Variants in THBS1 observed in about 807,000 individuals in gnomAD.
The protein encoded by THBS1 is thrombospondin-1.
In THBS1, 29 loss-of-function variants were observed where a neutral mutation model predicts 126.1. The observed-to-expected ratio is 0.23, with a 90% CI of 0.17 to 0.31. The LOEUF (loss-of-function observed/expected upper bound fraction) is 0.31, where lower values mean the gene tolerates loss of function less well. THBS1 is among the 10% of genes least tolerant of loss of function. The pLI, the probability that THBS1 is intolerant of heterozygous loss-of-function variation, is 1.00. For synonymous variants in THBS1, 496 were observed against 577.8 expected, an observed-to-expected ratio of 0.86 and a Z score of 2.03; for missense variants, 1,198 against 1,545.2, an observed-to-expected ratio of 0.78 and a Z score of 3.77.
intron 7 of THBS1, chr15:39,586,584 G>C (rs1486412400): frequency 2.6e-5 from 4 of 152,194 alleles, no homozygotes; most frequent in Non-Finnish European, 4.4e-5. Flanking sequence ...GCTGGGGTGA[G>C]AGGAACAACA....
At position 39,593,605 on chromosome 15, in the gene THBS1, C is replaced by G; in HGVS notation, c.3204C>G (p.Ser1068=). 1 of 1,614,212 alleles carries G rather than the reference C, an allele frequency of 6.2e-7. No individual in the cohort carries two copies. Among genetic ancestry groups the G allele is most frequent in the Non-Finnish European group, 8.5e-7 (1 of 1,180,034 alleles). The part of the protein sequence containing the change: ...YSGLSVKVVN[S]TTGPGEHLRN... ...GCCTTTCTGTGAAAGTTGTAAACTC[C>G]ACCACAGGGCCTGGCGAGCACCTGC... The change falls in exon 19 of 22, where the codon TCC becomes TCG. Residue 1068 remains serine (S), a synonymous_variant. Coordinates refer to ENST00000260356, the MANE Select transcript of THBS1 (RefSeq NM_003246.4). This position sits in a 1 kb window ranked among gnomAD's most constrained non-coding sequence, Gnocchi z 5.9.
chr15:39,589,685 C>T lies in THBS1; in HGVS notation c.1927-120C>T. On this transcript the variant is annotated intron_variant, in intron 12 of 21. Coordinates refer to ENST00000260356, the MANE Select transcript of THBS1 (RefSeq NM_003246.4). The surrounding 1 kb of genome is among the most constrained non-coding windows in gnomAD (Gnocchi z 4.7). ...GAGAATGGGGAGGGACAGAGGTAAC[C>T]CACACTCTTCCAAATGGAGCCTCTG... 1 of 1,108,574 alleles carries T rather than the reference C, an allele frequency of 9.0e-7. No individual in the cohort carries two copies. The allele number at this position is 1,108,574 out of a possible 1,614,324, so 68.7% of individuals were successfully genotyped here. A position where few individuals can be genotyped will look rare whatever the true frequency, so the allele number is the denominator to read the frequency against.
rs948555872 is a variant in THBS1 at position 39,581,672 on chromosome 15, C to A, written c.-29-157C>A. 4.7e-5 allele frequency: 25 copies of A among 527,120 alleles called. 1 individual carries two copies. In the South Asian group the frequency reaches 6.1e-4, roughly 13 times the overall value. 32.7% of individuals were successfully genotyped at this position (527,120 alleles called of 1,614,324 possible). A position where few individuals can be genotyped will look rare whatever the true frequency, so the allele number is the denominator to read the frequency against. On this transcript the variant is annotated intron_variant, in intron 1 of 21. Transcript: ENST00000260356. Reference sequence around the variant, plus strand: ...TCTCTCTCTCTCTCTCTCTCTCATGCTCTCTGGAAAGTAATCCTGTTGTCC... The same window carrying A: ...TCTCTCTCTCTCTCTCTCTCTCATGATCTCTGGAAAGTAATCCTGTTGTCC...
chr15:39,583,866 G>A (rs754185468), intron 4 of THBS1, 122 bp from the exon 5 acceptor site: 147 of 1,273,020 alleles, frequency 1.2e-4, no homozygotes, highest in Non-Finnish European at 1.4e-4. Context: ...ACACACGTGC[G>A]CATACACGCA....
In THBS1 at chr15:39,588,218, A is replaced by C. The variant is rs1407647838; in HGVS notation, c.1471A>C (p.Ile491Leu). The change falls in exon 9 of 22, where the codon ATC becomes CTC. Residue 491 changes from isoleucine (I) to leucine (L), a missense_variant and splice_region_variant. Coordinates refer to ENST00000260356, the MANE Select transcript of THBS1 (RefSeq NM_003246.4). ...TKACKKDACP[I>L]NGGWGPWSPW... The stretch of plus-strand genomic sequence containing the variant: ...AGCCTGCAAGAAAGACGCCTGCCCC[A>C]GTAAGTGTGAGGTCCGCTGCAAGGG... The C allele has an allele frequency of 6.2e-7, 1 of 1,612,946 alleles. No individual in the cohort carries two copies. Among genetic ancestry groups the C allele is most frequent in the South Asian group, 1.1e-5 (1 of 91,016 alleles).
rs1245001697 is a variant in THBS1 at position 39,593,845 on chromosome 15, C to CA, written c.3267+179dup. The CA allele has an allele frequency of 2.8e-6, 3 of 1,073,206 alleles. No homozygotes were observed. The highest frequency in any genetic ancestry group is 5.7e-5 in the Admixed American group (2 of 35,188). The allele number at this position is 1,073,206 out of a possible 1,614,324, so 66.5% of individuals were successfully genotyped here. On this transcript the variant is annotated intron_variant, in intron 19 of 21. Coordinates refer to ENST00000260356, the MANE Select transcript of THBS1 (RefSeq NM_003246.4). The surrounding 1 kb of genome is among the most constrained non-coding windows in gnomAD (Gnocchi z 5.9). ...AATAGTGTTGAAAAGGGAGCTTGAC[C>CA]AAGAATTGCCCTGCAAATCCTAAGG... is the stretch of plus-strand genomic sequence containing the variant.
In THBS1 at chr15:39,582,194, G is replaced by A. The variant is rs766759977; in HGVS notation, c.69G>A (p.Glu23=). The A allele has an allele frequency of 7.5e-6, 12 of 1,596,744 alleles. No homozygotes were observed. The South Asian group carries it at 1.1e-4, about 15-fold the overall frequency. Residue 23 remains glutamate (E), a splice_region_variant and synonymous_variant, in exon 3 of 22, where the codon GAG becomes GAA. Coordinates refer to ENST00000260356, the MANE Select transcript of THBS1 (RefSeq NM_003246.4). ...MHVCGTNRIP[E]SGGDNSVFDI... The stretch of plus-strand genomic sequence containing the variant: ...TTTGTGTTCTCTCCTGTCTAACAGA[G>A]TCTGGCGGAGACAACAGCGTGTTTG...
At chr15:39,595,291 T>TG in intron 21 of THBS1, 71 bp from the exon 22 acceptor site, 1 of 899,150 alleles carries the variant, frequency 1.1e-6, no homozygotes, top group Non-Finnish European at 1.6e-6. Flanking sequence ...GTTAACTTAT[T>TG]AACTAAGATG....
In THBS1 at chr15:39,593,528, G is replaced by T. The variant is rs925245572; in HGVS notation, c.3127G>T (p.Val1043Phe). Residue 1043 changes from valine (V) to phenylalanine (F), a missense_variant, in exon 19 of 22, where the codon GTC (valine) becomes TTC (phenylalanine). Physicochemically the swap from Val to Phe is conservative, Grantham distance 50. Transcript: ENST00000260356. The surrounding 1 kb of genome is among the most constrained non-coding windows in gnomAD (Gnocchi z 5.9). Reference sequence around the variant, plus strand: ...CTTTTATGTTGTGATGTGGAAGCAAGTCACCCAGTCCTACTGGGACACCAA... The same window carrying T: ...CTTTTATGTTGTGATGTGGAAGCAATTCACCCAGTCCTACTGGGACACCAA... ...SRFYVVMWKQ[V>F]TQSYWDTNPT... 1.2e-6 allele frequency: 2 copies of T among 1,614,094 alleles called. No individual in the cohort carries two copies. Among genetic ancestry groups the T allele is most frequent in the African/African-American group, 2.7e-5 (2 of 74,918 alleles).
At chr15:39,582,895 G>A (rs1333941357) in intron 3 of THBS1, 143 bp downstream of exon 3, 1 of 958,518 alleles carries the variant, frequency 1.0e-6, no homozygotes, top group East Asian at 2.6e-5. Flanking sequence ...TGGAGGGCTT[G>A]TGAAAGCTCA....
At chr15:39,584,896 A>C (rs1317497968) in intron 6 of THBS1, among the ~76,000 whole-genome samples, 1 of 152,232 alleles carries the variant, frequency 6.6e-6, no homozygotes, top group African/African-American at 2.4e-5. Flanking sequence ...TCACTCTAGC[A>C]TCCCCGCATG....
Position 39,583,613 on chromosome 15 carries a change from A to T in THBS1, c.628-4A>T. The T allele has an allele frequency of 6.9e-7, 1 of 1,443,588 alleles. No homozygotes were observed. The highest frequency in any genetic ancestry group is 9.3e-7 in the Non-Finnish European group (1 of 1,073,720). The allele number at this position is 1,443,588 out of a possible 1,614,324, so 89.4% of individuals were successfully genotyped here. On this transcript the variant is annotated splice_polypyrimidine_tract_variant and splice_region_variant and intron_variant, in intron 3 of 21. Transcript: ENST00000260356. ...TACAAGTAATGTGTGTCCTCTGCCC[A>T]CAGGGGGTGCTGCAGAATGTGAGGT...
At position 39,589,323 on chromosome 15, in the gene THBS1, A is replaced by C; in HGVS notation, c.1895A>C (p.Gln632Pro). The change falls in exon 12 of 22, where the codon CAG (glutamine) becomes CCG (proline). Residue 632 changes from glutamine to proline, a missense_variant. Around this residue, in one of 4 missense-constraint regions of THBS1, gnomAD observed 663 missense variants for 860.1 expected, o/e 0.77. Transcript: ENST00000260356. The surrounding 1 kb of genome is among the most constrained non-coding windows in gnomAD (Gnocchi z 4.7). ...TTCACCGGCTCACAGCCCTTCGGCCAGGGTGTCGAACATGCCACGGCCAAC... is the reference window on the plus strand; with the variant it reads ...TTCACCGGCTCACAGCCCTTCGGCCCGGGTGTCGAACATGCCACGGCCAAC... Reference protein sequence around the residue: ...PRFTGSQPFGQGVEHATANKQ... With the variant: ...PRFTGSQPFGPGVEHATANKQ... 6.2e-7 allele frequency: 1 copy of C among 1,614,080 alleles called. No homozygotes were observed. Among genetic ancestry groups the C allele is most frequent in the Non-Finnish European group, 8.5e-7 (1 of 1,180,028 alleles).
intron 14 of THBS1, 96 bp from the exon 15 acceptor site, chr15:39,591,095 G>A (rs1001335913): frequency 7.2e-7 from 1 of 1,397,422 alleles, no homozygotes; most frequent in African/African-American, 1.4e-5. Flanking sequence ...AAGTATTGCT[G>A]ATTTTCACAG....
rs1289562386 is a variant in THBS1, at chr15:39,597,754, CT to C, written c.*2387del. On this transcript the variant is annotated 3_prime_UTR_variant, in exon 22 of 22. Transcript: ENST00000260356. The stretch of plus-strand genomic sequence containing the variant: ...AAGGGCCCCCATAAGAATAAAATTT[CT>C]TATTAAGGTCATTAGATGTCATTGA... The C allele has an allele frequency of 6.6e-6, 1 of 152,138 alleles. No individual in the cohort carries two copies. The highest frequency in any genetic ancestry group is 2.4e-5 in the African/African-American group (1 of 41,442). 9.4% of individuals were successfully genotyped at this position (152,138 alleles called of 1,614,324 possible).
At chr15:39,581,963 G>T (rs776613910) in intron 2 of THBS1, 39 bp downstream of exon 2, 3 of 1,608,430 alleles carry the variant, frequency 1.9e-6, no homozygotes, top group Admixed American at 1.7e-5. Flanking sequence ...GGAGGGACAA[G>T]GAAGAGGTGC....
In THBS1 at chr15:39,597,282, T is replaced by G. The variant is rs1890482489; in HGVS notation, c.*1913T>G. The G allele has an allele frequency of 8.0e-6, 1 of 125,102 alleles. No individual in the cohort carries two copies. Among genetic ancestry groups the G allele is most frequent in the South Asian group, 2.8e-4 (1 of 3,524 alleles). The allele number at this position is 125,102 out of a possible 1,614,324, so 7.7% of individuals were successfully genotyped here. ...TGGTTTTTTCTTTTTTTTGTTTTGT[T>G]TTTTTTTTTTTTTTTTTTTGCTTTT... On this transcript the variant is annotated 3_prime_UTR_variant, in exon 22 of 22. Coordinates refer to ENST00000260356, the MANE Select transcript of THBS1 (RefSeq NM_003246.4).
At position 39,584,441 on chromosome 15, in the gene THBS1, C is replaced by T. The variant is rs754474453; in HGVS notation, c.1026+19C>T. 6.2e-7 allele frequency: 1 copy of T among 1,613,492 alleles called. No homozygotes were observed. Among genetic ancestry groups the T allele is most frequent in the Middle Eastern group, 1.7e-4 (1 of 6,010 alleles). On this transcript the variant is annotated intron_variant, in intron 6 of 21. Transcript: ENST00000260356. Reference sequence around the variant, plus strand: ...CTGTCAGGTAAGGGACCTTCACCAGCCAGAATAAGAATCGACGGCTTTTGT... The same window carrying T: ...CTGTCAGGTAAGGGACCTTCACCAGTCAGAATAAGAATCGACGGCTTTTGT...
rs759282061 is a variant in THBS1 at position 39,588,126 on chromosome 15, G to A, written c.1379G>A (p.Arg460Gln). ...TCGDGVITRIRLCNSPSPQMN... is the reference protein window; with the variant it reads ...TCGDGVITRIQLCNSPSPQMN... ...GGTGATGGTGTGATCACAAGGATCCGGCTCTGCAACTCTCCCAGCCCCCAG... is the reference window on the plus strand; with the variant it reads ...GGTGATGGTGTGATCACAAGGATCCAGCTCTGCAACTCTCCCAGCCCCCAG... The change falls in exon 9 of 22, where the codon CGG becomes CAG. Residue 460 changes from arginine to glutamine, a missense_variant. Arg to Gln is a conservative substitution (Grantham distance 43). Around this residue, in one of 4 missense-constraint regions of THBS1, gnomAD observed 663 missense variants for 860.1 expected, o/e 0.77. Transcript: ENST00000260356. 8.1e-6 allele frequency: 13 copies of A among 1,614,068 alleles called. No individual in the cohort carries two copies. Among genetic ancestry groups the A allele is most frequent in the Admixed American group, 3.3e-5 (2 of 60,004 alleles).
Sources: gnomAD v4.1 joint callset for allele counts (sites outside exome capture counted in the v4.1 genomes callset) on GRCh38, gnomAD v4.1.1 for gene constraint, gnomAD v4.1.1 regional missense constraint, Gnocchi (gnomAD v3.1) non-coding constraint, MANE v1.5 for transcripts, NCBI Gene and HGNC (gene_info 2026-07-23, HGNC 2026-07-21) for gene names.